The following NCL variants were observed in gnomAD, a reference collection of about 807,000 sequenced individuals.
NCL encodes the protein nucleolin multifunctional protein.
In NCL, 4 loss-of-function variants were observed where a neutral mutation model predicts 77.7. The ratio of observed to expected loss-of-function variants is 0.05; its 90% CI spans 0.03 to 0.12. The LOEUF (loss-of-function observed/expected upper bound fraction) is 0.12, where lower values mean the gene tolerates loss of function less well. NCL is among the 10% of genes least tolerant of loss of function. The pLI, the probability that NCL is intolerant of heterozygous loss-of-function variation, is 1.00. For missense variants in NCL, 763 were observed against 860.9 expected (o/e 0.89, Z 1.42); for synonymous variants, 344 against 297.8 (o/e 1.16, Z -1.60).
At chr2:231,459,156 A>G (rs1344498514) in intron 6 of NCL, 31 bp from the exon 7 acceptor site, 4 of 1,514,312 alleles carry the variant, frequency 2.6e-6, no homozygotes, top group Non-Finnish European at 3.5e-6. Context: ...CAAAATTACA[A>G]CAGGTGAAAA....
chr2:231,462,642 G>A (rs1307975710), intron 2 of NCL: 4 of 473,188 alleles, frequency 8.5e-6, no homozygotes, highest in African/African-American at 3.9e-5. Flanking sequence ...AGTTCTCAAC[G>A]AGAAACCTGA....
intron 10 of NCL, 105 bp from the exon 11 acceptor site, chr2:231,456,869 G>A (rs1465516657): frequency 5.8e-5 from 90 of 1,554,482 alleles, no homozygotes; most frequent in Non-Finnish European, 5.3e-5. Flanking sequence ...CCTAAATGAT[G>A]ATCTTTATTT....
At chr2:231,456,906 T>C (rs184926587) in intron 10 of NCL, 95 bp downstream of exon 10, 14 of 1,562,288 alleles carry the variant, frequency 9.0e-6, no homozygotes, top group African/African-American at 5.5e-5. Flanking sequence ...GCTAAAATTA[T>C]TTGGCTTTTC....
At chr2:231,462,683 T>C (rs543995321) in intron 2 of NCL, 121 of 416,334 alleles carry the variant, frequency 2.9e-4, no homozygotes, top group African/African-American at 2.1e-3. Context: ...GTCTTTATAG[T>C]GAGCAAATAA....
chr2:231,455,631 CACCAAATGAA>C lies in NCL; in HGVS notation c.1833-17_1833-8del. On this transcript the variant is annotated splice_region_variant and splice_polypyrimidine_tract_variant and intron_variant, in intron 12 of 13. Coordinates refer to ENST00000322723, the MANE Select transcript of NCL (RefSeq NM_005381.3). ...GAAGTCTACAAAACCAAACCTAGAACACCAAATGAAATTGCCCATTATAAAAAGCACCTAC... is the reference window on the plus strand; with the variant it reads ...GAAGTCTACAAAACCAAACCTAGAACATTGCCCATTATAAAAAGCACCTAC... 6.2e-7 allele frequency: 1 copy of C among 1,613,796 alleles called. No individual in the cohort carries two copies. The highest frequency in any genetic ancestry group is 8.5e-7 in the Non-Finnish European group (1 of 1,179,762).
intron 13 of NCL, 42 bp downstream of exon 13, chr2:231,455,359 A>G (rs1475626919): frequency 1.2e-6 from 2 of 1,613,526 alleles, no homozygotes; most frequent in South Asian, 1.1e-5. Context: ...CAGGGTCTGA[A>G]GAGCACATGC....
chr2:231,461,672 CGTCATCCTCCTCATCCTCCTCACT>C lies in NCL; in HGVS notation c.457_480del (p.Ser153_Asp160del), dbSNP rs757224385. 26 of 1,612,256 alleles carry C rather than the reference CGTCATCCTCCTCATCCTCCTCACT, an allele frequency of 1.6e-5. No individual in the cohort carries two copies. Among genetic ancestry groups the C allele is most frequent in the Non-Finnish European group, 2.1e-5 (25 of 1,178,390 alleles). Reference sequence around the variant, plus strand: ...TCATCTTCATCCTCATCCTCGTCCTCGTCATCCTCCTCATCCTCCTCACTGTCATCATCCTCCTCTTCATCACTG... The same window carrying C: ...TCATCTTCATCCTCATCCTCGTCCTCGTCATCATCCTCCTCTTCATCACTG... On this transcript the variant is annotated inframe_deletion, in exon 3 of 14. Transcript: ENST00000322723.
Position 231,454,555 on chromosome 2 carries a change from CAGCCTTCAAGTCAGCACCAGGGCTGCAGG to C in NCL, c.*607_*635del, listed in dbSNP as rs2046864197. 1 of 152,788 alleles carries C rather than the reference CAGCCTTCAAGTCAGCACCAGGGCTGCAGG, an allele frequency of 6.5e-6. No homozygotes were observed. The highest frequency in any genetic ancestry group is 2.1e-4 in the South Asian group (1 of 4,862). The allele number at this position is 152,788 out of a possible 1,614,324, so 9.5% of individuals were successfully genotyped here. On this transcript the variant is annotated 3_prime_UTR_variant, in exon 14 of 14. Transcript: ENST00000322723. ...CTGCTAAAAGTAGGAGAAGCTGCAGCAGCCTTCAAGTCAGCACCAGGGCTGCAGGAGCAGGTCCCCTCACCAGCATTTCA... is the reference window on the plus strand; with the variant it reads ...CTGCTAAAAGTAGGAGAAGCTGCAGCAGCAGGTCCCCTCACCAGCATTTCA...
rs1559542444 is a variant in NCL at position 231,461,544 on chromosome 2, T to C, written c.609A>G (p.Glu203=). The change falls in exon 3 of 14, where the codon GAA becomes GAG. Residue 203 remains glutamate (E), a synonymous_variant. Transcript: ENST00000322723. The stretch of plus-strand genomic sequence containing the variant: ...ACTACCAAGACAACTCCTTACCATC[T>C]TCCTCATCGTCATCGTCATCCTCAT... ...EDDEDDDDDE[E]DDSEEEAMET... The C allele has an allele frequency of 4.3e-6, 7 of 1,613,324 alleles. No individual in the cohort carries two copies. Among genetic ancestry groups the C allele is most frequent in the Non-Finnish European group, 5.9e-6 (7 of 1,179,528 alleles).
chr2:231,463,302 T>G lies in NCL; in HGVS notation c.33A>C (p.Gln11His). ...GAGGAGCCATTTTCTTGGGGTCACC[T>G]TGATTTTTACCTGCCTAAAATGGAC... is the stretch of plus-strand genomic sequence containing the variant. MVKLAKAGKN[Q>H]GDPKKMAPPP... Residue 11 changes from glutamine (Q) to histidine (H), a missense_variant, in exon 2 of 14, where the codon CAA becomes CAC. Transcript: ENST00000322723. 1 of 1,609,660 alleles carries G rather than the reference T, an allele frequency of 6.2e-7. No homozygotes were observed. Among genetic ancestry groups the G allele is most frequent in the Non-Finnish European group, 8.5e-7 (1 of 1,177,804 alleles).
intron 10 of NCL, 25 bp from the exon 11 acceptor site, chr2:231,456,789 G>GAGTA (rs2046893173): frequency 6.2e-7 from 1 of 1,612,262 alleles, no homozygotes; most frequent in Non-Finnish European, 8.5e-7. Flanking sequence ...TTAATGCTTA[G>GAGTA]AGTAAGTTAC....
Position 231,461,987 on chromosome 2 carries a change from C to T in NCL, c.166G>A (p.Ala56Thr), listed in dbSNP as rs761134380. The T allele has an allele frequency of 3.5e-5, 57 of 1,614,064 alleles. No homozygotes were observed. The highest frequency in any genetic ancestry group is 4.5e-5 in the Non-Finnish European group (53 of 1,180,050). The change falls in exon 3 of 14, where the codon GCT becomes ACT. Residue 56 changes from alanine (A) to threonine (T), a missense_variant. Physicochemically the swap from Ala to Thr is moderately conservative, Grantham distance 58. Around this residue, in one of 2 missense-constraint regions of NCL, gnomAD observed 590 missense variants for 570.5 expected, o/e 1.03. Transcript: ENST00000322723. ...VVIPQKKGKK[A>T]AATSAKKVVV... ...ACCTTCTTTGCTGAGGTTGCAGCAGCCTTCTTGCCTTTCTTCTGAGGTATG... is the reference window on the plus strand; with the variant it reads ...ACCTTCTTTGCTGAGGTTGCAGCAGTCTTCTTGCCTTTCTTCTGAGGTATG...
intron 2 of NCL, 142 bp from the exon 3 acceptor site, chr2:231,462,159 G>A: frequency 1.8e-6 from 2 of 1,126,334 alleles, no homozygotes; most frequent in Non-Finnish European, 2.7e-6. Context: ...TTAAACTCCA[G>A]GCTTCTGTTA....
chr2:231,455,432 TCCTCCTCGGCCTCCTCTACCA>T lies in NCL; in HGVS notation c.2004_2024del (p.Gly669_Gly675del), dbSNP rs2046876919. 3 of 1,613,794 alleles carry T rather than the reference TCCTCCTCGGCCTCCTCTACCA, an allele frequency of 1.9e-6. No homozygotes were observed. ...AGCCTCCCCGGCCTCTGCCACCAAA[TCCTCCTCGGCCTCCTCTACCA>T]CCACCTCGTCCTCCAAAGCCGCCTC... On this transcript the variant is annotated inframe_deletion, in exon 13 of 14. Coordinates refer to ENST00000322723, the MANE Select transcript of NCL (RefSeq NM_005381.3).
At position 231,455,315 on chromosome 2, in the gene NCL, C is replaced by T. The variant is rs746087307; in HGVS notation, c.2057-48G>A. On this transcript the variant is annotated intron_variant, in intron 13 of 13. Coordinates refer to ENST00000322723, the MANE Select transcript of NCL (RefSeq NM_005381.3). Reference sequence around the variant, plus strand: ...TGTTAAAAGAATGGGTACAAAGCTCCTCCTCCCCAGTGATTAGGAACCGTG... The same window carrying T: ...TGTTAAAAGAATGGGTACAAAGCTCTTCCTCCCCAGTGATTAGGAACCGTG... 9.3e-6 allele frequency: 15 copies of T among 1,613,656 alleles called. No individual in the cohort carries two copies. In the East Asian group the frequency reaches 3.3e-4, roughly 36 times the overall value.
rs995626773 is a variant in NCL, at chr2:231,454,424, G to C, written c.*767C>G. The C allele has an allele frequency of 8.5e-5, 13 of 152,374 alleles. No individual in the cohort carries two copies. Among genetic ancestry groups the C allele is most frequent in the African/African-American group, 3.1e-4 (13 of 41,440 alleles). The allele number at this position is 152,374 out of a possible 1,614,324, so 9.4% of individuals were successfully genotyped here. ...GCCTCCCCAAGTGTTGGGATTACAG[G>C]AGTTAGCCACTGCTCTTCCCTGAAG... On this transcript the variant is annotated 3_prime_UTR_variant, in exon 14 of 14. Transcript: ENST00000322723.
intron 11 of NCL, chr2:231,456,425 C>G (rs377597153): frequency 2.9e-5 from 30 of 1,052,330 alleles, no homozygotes; most frequent in Middle Eastern, 2.0e-4. Context: ...GGCAAACTTG[C>G]TACTCTGAGT....
intron 3 of NCL, 127 bp downstream of exon 3, chr2:231,461,413 C>T: frequency 6.9e-7 from 1 of 1,459,848 alleles, no homozygotes; most frequent in Non-Finnish European, 9.2e-7. Flanking sequence ...CACACCACAA[C>T]AACCCAGAGA....
rs2046855013 is a variant in NCL at position 231,453,761 on chromosome 2, C to T, written c.*1430G>A. The T allele has an allele frequency of 6.6e-6, 1 of 152,342 alleles. No individual in the cohort carries two copies. The highest frequency in any genetic ancestry group is 1.5e-5 in the Non-Finnish European group (1 of 68,190). The allele number at this position is 152,342 out of a possible 1,614,324, so 9.4% of individuals were successfully genotyped here. ...GCTGACAAGCAGTAGGTGATAAGCC[C>T]AAGGATGTTAAGATTTCAACAGCCC... On this transcript the variant is annotated 3_prime_UTR_variant, in exon 14 of 14. Transcript: ENST00000322723.
Sources: allele counts gnomAD v4.1 joint callset, GRCh38; gene constraint gnomAD v4.1.1; regional missense constraint gnomAD v4.1.1; transcripts MANE v1.5; gene names NCBI Gene and HGNC (gene_info 2026-07-23, HGNC 2026-07-21).